Variants in CNTNAP2 observed in about 807,000 individuals in gnomAD.
CNTNAP2 encodes contactin-associated protein-like 2.
CNTNAP2 carries 98 observed loss-of-function variants against 155.2 expected under a neutral mutation model. The ratio of observed to expected loss-of-function variants is 0.63; its 90% CI spans 0.54 to 0.75. The LOEUF (loss-of-function observed/expected upper bound fraction) is 0.75. CNTNAP2 is among the 30% of genes least tolerant of loss of function. CNTNAP2 has a pLI of 0.00. For synonymous variants in CNTNAP2, 651 were observed against 631.2 expected (o/e 1.03, Z -0.47); for missense variants, 1,727 against 1,688.1 (o/e 1.02, Z -0.40).
chr7:146,222,541 AGTGTGTGTGTGTGT>A (rs10616515), intron 1 of CNTNAP2, among the ~76,000 whole-genome samples: 2 of 147,268 alleles, frequency 1.4e-5, no homozygotes, highest in African/African-American at 5.0e-5. Flanking sequence ...ACTAAAGCAT[AGTGTGTGTGTGTGT>A]GTGTGTGTGT....
intron 1 of CNTNAP2, among the ~76,000 whole-genome samples, chr7:146,129,562 A>G (rs911091216): frequency 4.6e-5 from 7 of 152,174 alleles, no homozygotes. Context: ...TGCATTGAGC[A>G]TCAGCATGTT....
chr7:146,426,060 C>T (rs948281038), intron 1 of CNTNAP2, among the ~76,000 whole-genome samples: 2 of 151,328 alleles, frequency 1.3e-5, no homozygotes, highest in Non-Finnish European at 2.9e-5. Flanking sequence ...GCGGCGCAAG[C>T]CTGTAATATG....
At chr7:147,734,813 T>A (rs1393322489) in intron 13 of CNTNAP2, among the ~76,000 whole-genome samples, 5 of 152,210 alleles carry the variant, frequency 3.3e-5, no homozygotes, top group Non-Finnish European at 4.4e-5. Flanking sequence ...TAGAGGTGTT[T>A]ATAGTATTCT....
chr7:147,748,470 G>A (rs1353602532), intron 13 of CNTNAP2, among the ~76,000 whole-genome samples: 1 of 152,092 alleles, frequency 6.6e-6, no homozygotes, highest in Non-Finnish European at 1.5e-5. Flanking sequence ...TGACAGAACC[G>A]CAACTCAAAC....
chr7:147,410,995 C>A (rs1563194504), intron 10 of CNTNAP2, among the ~76,000 whole-genome samples: 2 of 152,170 alleles, frequency 1.3e-5, no homozygotes, highest in Admixed American at 6.5e-5. Flanking sequence ...ATCCTCGCAA[C>A]TTCTGATAGG....
intron 1 of CNTNAP2, among the ~76,000 whole-genome samples, chr7:146,332,794 T>C (rs1394189201): frequency 5.3e-5 from 8 of 152,168 alleles, no homozygotes; most frequent in South Asian, 2.1e-4. Flanking sequence ...TCCTAGATTC[T>C]TGTCTGATTT....
intron 11 of CNTNAP2, among the ~76,000 whole-genome samples, chr7:147,495,881 A>G (rs1191413436): frequency 1.3e-5 from 2 of 152,084 alleles, no homozygotes; most frequent in Non-Finnish European, 2.9e-5. Context: ...CTTCACCTCT[A>G]TTTACAGCCA....
chr7:146,651,319 A>C (rs1327970791), intron 1 of CNTNAP2, among the ~76,000 whole-genome samples: 1 of 152,202 alleles, frequency 6.6e-6, no homozygotes, highest in East Asian at 1.9e-4. Flanking sequence ...ATAATAAACA[A>C]ACCCTTAACA....
Position 146,427,976 on chromosome 7 carries a change from C to T in CNTNAP2, c.97+311003C>T, listed in dbSNP as rs78145840. On this transcript the variant is annotated intron_variant, in intron 1 of 23. Transcript: ENST00000361727. ...TGTCATCATTCAGCTCCCACGTATG[C>T]GTGAGAACATGTGGTATTTGGTTTT... 5.2e-4 allele frequency among the ~76,000 whole-genome samples: 79 copies of T among 152,206 alleles called. No homozygotes were observed. In the East Asian group the frequency reaches 0.014, roughly 28 times the overall value.
At chr7:146,393,627 C>T (rs944992867) in intron 1 of CNTNAP2, among the ~76,000 whole-genome samples, 4 of 152,156 alleles carry the variant, frequency 2.6e-5, no homozygotes, top group Non-Finnish European at 5.9e-5. Context: ...AGATCCTCCA[C>T]TGGAGCTGAA....
chr7:146,542,016 AT>A (rs569467548), intron 1 of CNTNAP2, among the ~76,000 whole-genome samples: 1 of 151,702 alleles, frequency 6.6e-6, no homozygotes, highest in Admixed American at 6.6e-5. Context: ...GAAAATAAAC[AT>A]TTTTTTTCAG....
At position 148,193,473 on chromosome 7, in the gene CNTNAP2, C is replaced by T. The variant is rs139822934; in HGVS notation, c.3010+20995C>T. On this transcript the variant is annotated intron_variant, in intron 18 of 23. Coordinates refer to ENST00000361727, the MANE Select transcript of CNTNAP2 (RefSeq NM_014141.6). ...TTGAGGCCAACATTGTCATGAAATA[C>T]ACATTTTCATAATTTTTTTTTGTGG... 3.6e-3 allele frequency among the ~76,000 whole-genome samples: 555 copies of T among 152,266 alleles called. 4 individuals are homozygous for T. Among genetic ancestry groups the T allele is most frequent in the African/African-American group, 0.012 (516 of 41,538 alleles).
intron 13 of CNTNAP2, among the ~76,000 whole-genome samples, chr7:147,769,828 C>T (rs1233333998): frequency 3.3e-5 from 5 of 152,100 alleles, no homozygotes; most frequent in Non-Finnish European, 5.9e-5. Context: ...CTGGGTTACA[C>T]GGCATGCTGT....
chr7:146,740,911 G>A (rs1801704636), intron 1 of CNTNAP2, among the ~76,000 whole-genome samples: 1 of 152,198 alleles, frequency 6.6e-6, no homozygotes, highest in Non-Finnish European at 1.5e-5. Flanking sequence ...AGCTTAAAGT[G>A]TGAGGCTATG....
At chr7:146,262,985 G>A (rs1048215317) in intron 1 of CNTNAP2, among the ~76,000 whole-genome samples, 3 of 152,124 alleles carry the variant, frequency 2.0e-5, no homozygotes, top group Admixed American at 2.0e-4. Flanking sequence ...TGGGTAGTGG[G>A]GTAGTAAGAA....
chr7:146,519,238 A>G (rs1347800299), intron 1 of CNTNAP2, among the ~76,000 whole-genome samples: 1 of 151,778 alleles, frequency 6.6e-6, no homozygotes, highest in East Asian at 1.9e-4. Context: ...GTTTAGGGAA[A>G]TTTGTATCTC....
intron 3 of CNTNAP2, among the ~76,000 whole-genome samples, chr7:146,928,546 A>G (rs1796662704): frequency 6.6e-6 from 1 of 152,170 alleles, no homozygotes; most frequent in Admixed American, 6.5e-5. Flanking sequence ...CATCTGAGGT[A>G]CCAGGTTCAT....
intron 16 of CNTNAP2, among the ~76,000 whole-genome samples, chr7:148,143,753 G>GTCCT (rs1805120361): frequency 1.3e-5 from 2 of 152,162 alleles, no homozygotes; most frequent in South Asian, 4.1e-4. Context: ...TGTCCTCTCT[G>GTCCT]TCCTCTGTAT....
chr7:148,328,271 G>A (rs965358104), intron 21 of CNTNAP2, among the ~76,000 whole-genome samples: 1 of 152,112 alleles, frequency 6.6e-6, no homozygotes, highest in African/African-American at 2.4e-5. Context: ...TGTTGGCCCG[G>A]GAAAGCTGGA....
Sources: allele counts gnomAD v4.1 joint callset (sites outside exome capture counted in the v4.1 genomes callset), GRCh38; gene constraint gnomAD v4.1.1; transcripts MANE v1.5; gene names NCBI Gene and HGNC (gene_info 2026-07-23, HGNC 2026-07-21).